The following PLA2R1 variants were observed in gnomAD, a reference collection of about 807,000 sequenced individuals.
PLA2R1 encodes the protein phospholipase A2 receptor 1.
A neutral mutation model predicts 195.9 loss-of-function variants in PLA2R1; 158 were observed. The ratio of observed to expected loss-of-function variants is 0.81; its 90% CI spans 0.71 to 0.92. PLA2R1 has a LOEUF of 0.92. Ranked by LOEUF, PLA2R1 falls within the 40% of genes least tolerant of loss-of-function variation. PLA2R1 has a pLI of 0.00. For missense variants in PLA2R1, 1,626 were observed against 1,764.6 expected (o/e 0.92, Z 1.41); for synonymous variants, 586 against 598.2 (o/e 0.98, Z 0.30).
In PLA2R1 at chr2:159,938,216, C is replaced by T. The variant is rs1296717182; in HGVS notation, c.*3562G>A. 3.3e-5 allele frequency: 5 copies of T among 152,206 alleles called. No homozygotes were observed. The highest frequency in any genetic ancestry group is 2.6e-4 in the Admixed American group (4 of 15,276). 9.4% of individuals were successfully genotyped at this position (152,206 alleles called of 1,614,324 possible). A position where few individuals can be genotyped will look rare whatever the true frequency, so the allele number is the denominator to read the frequency against. On this transcript the variant is annotated 3_prime_UTR_variant, in exon 30 of 30. Coordinates refer to ENST00000283243, the MANE Select transcript of PLA2R1 (RefSeq NM_007366.5). Reference sequence around the variant, plus strand: ...GAATCAAAGATGGGTCTCAAGTCAACATCCTCTGTCAGCCACAGATTGGAG... The same window carrying T: ...GAATCAAAGATGGGTCTCAAGTCAATATCCTCTGTCAGCCACAGATTGGAG...
the PLA2R1 span, among the ~76,000 whole-genome samples, chr2:159,926,273 G>A: frequency 6.6e-6 from 1 of 152,138 alleles, no homozygotes; most frequent in Non-Finnish European, 1.5e-5. Flanking sequence ...TGATAATTTG[G>A]TAATATATTA....
chr2:160,011,137 T>G (rs1210036801), intron 10 of PLA2R1, among the ~76,000 whole-genome samples: 1 of 152,244 alleles, frequency 6.6e-6, no homozygotes, highest in African/African-American at 2.4e-5. Flanking sequence ...TATCCAGTTT[T>G]GGGGAAAATG....
At chr2:160,000,821 C>A (rs1435398378) in intron 11 of PLA2R1, among the ~76,000 whole-genome samples, 3 of 152,010 alleles carry the variant, frequency 2.0e-5, no homozygotes. Flanking sequence ...AAGAGAGAAT[C>A]AATGAATTGA....
At chr2:160,045,731 G>A (rs1694818428) in intron 1 of PLA2R1, among the ~76,000 whole-genome samples, 1 of 152,202 alleles carries the variant, frequency 6.6e-6, no homozygotes, top group South Asian at 2.1e-4. Flanking sequence ...GAGTACAAGG[G>A]TGGAGGTGGG....
intron 23 of PLA2R1, 35 bp from the exon 24 acceptor site, chr2:159,951,613 C>G (rs781102192): frequency 2.8e-6 from 3 of 1,062,174 alleles, no homozygotes. Flanking sequence ...TCATTTGCAG[C>G]ATCTGGATGA....
At chr2:160,041,832 G>C (rs991866212) in intron 3 of PLA2R1, among the ~76,000 whole-genome samples, 193 bp downstream of exon 3, 5 of 152,164 alleles carry the variant, frequency 3.3e-5, no homozygotes, top group Admixed American at 2.6e-4. Flanking sequence ...TGAATGTACG[G>C]CAAAAAGAAT....
rs1005944242 is a variant in PLA2R1, at chr2:159,937,874, A to G, written c.*3904T>C. 3 of 152,230 alleles carry G rather than the reference A, an allele frequency of 2.0e-5. No individual in the cohort carries two copies. The highest frequency in any genetic ancestry group is 7.2e-5 in the African/African-American group (3 of 41,446). 9.4% of individuals were successfully genotyped at this position (152,230 alleles called of 1,614,324 possible). On this transcript the variant is annotated 3_prime_UTR_variant, in exon 30 of 30. Transcript: ENST00000283243. ...AATGAGTTTACAATTTCTTTATTAA[A>G]AGAAGCTTCACTGACATCAATACTT...
intron 11 of PLA2R1, among the ~76,000 whole-genome samples, chr2:159,998,950 T>C (rs1691410299): frequency 6.6e-6 from 1 of 152,126 alleles, no homozygotes; most frequent in Non-Finnish European, 1.5e-5. Flanking sequence ...GGTTTGAATG[T>C]AATATATCCC....
intron 1 of PLA2R1, 135 bp downstream of exon 1, chr2:160,062,160 C>A: frequency 1.6e-6 from 1 of 626,162 alleles, no homozygotes; most frequent in Non-Finnish European, 2.7e-6. Context: ...GGACTGCTGA[C>A]ACACGAACCC....
chr2:159,942,522 A>T (rs183587702), intron 28 of PLA2R1, among the ~76,000 whole-genome samples: 329 of 152,336 alleles, frequency 2.2e-3, no homozygotes, highest in African/African-American at 7.3e-3. Context: ...GTGCTGCAAT[A>T]AATATAGAGT....
intron 3 of PLA2R1, among the ~76,000 whole-genome samples, chr2:160,035,591 C>T (rs1573943754): frequency 6.6e-6 from 1 of 152,294 alleles, no homozygotes; most frequent in African/African-American, 2.4e-5. Context: ...TATATCATCT[C>T]TTCTATTGCT....
At chr2:160,041,502 G>A (rs866257446) in intron 3 of PLA2R1, among the ~76,000 whole-genome samples, 4 of 152,212 alleles carry the variant, frequency 2.6e-5, no homozygotes, top group African/African-American at 4.8e-5. Context: ...GTAAATAGTA[G>A]GAAAGGGAGT....
At chr2:159,964,306 G>A (rs922509424) in intron 20 of PLA2R1, among the ~76,000 whole-genome samples, 1 of 152,186 alleles carries the variant, frequency 6.6e-6, no homozygotes, top group Admixed American at 6.5e-5. Flanking sequence ...TGGAAATAGA[G>A]ATGATGGTTG....
In PLA2R1 at chr2:159,979,817, T is replaced by G; in HGVS notation, c.2268+13A>C. On this transcript the variant is annotated intron_variant, in intron 14 of 29. Coordinates refer to ENST00000283243, the MANE Select transcript of PLA2R1 (RefSeq NM_007366.5). ...TTGAATCCATCCCTTTTCTCCAGTT[T>G]GAAAAGACTTACAGGAGTTCTATCA... 6.6e-7 allele frequency: 1 copy of G among 1,506,686 alleles called. No homozygotes were observed. Among genetic ancestry groups the G allele is most frequent in the Non-Finnish European group, 9.2e-7 (1 of 1,085,974 alleles). The allele number at this position is 1,506,686 out of a possible 1,614,324, so 93.3% of individuals were successfully genotyped here. A position where few individuals can be genotyped will look rare whatever the true frequency, so the allele number is the denominator to read the frequency against.
In PLA2R1 at chr2:159,985,254, T is replaced by C. The variant is rs981928999; in HGVS notation, c.2038-1181A>G. Among the ~76,000 whole-genome samples the C allele has an allele frequency of 2.6e-5, 4 of 152,214 alleles. No homozygotes were observed. In the South Asian group the frequency reaches 6.2e-4, roughly 24 times the overall value. On this transcript the variant is annotated intron_variant, in intron 12 of 29. Transcript: ENST00000283243. ...TGGGCCTATTATTCTATGAATGTAA[T>C]GTAGGATTATACATGTGTACAATTT...
chr2:160,057,469 C>T (rs1695628368), intron 1 of PLA2R1, among the ~76,000 whole-genome samples: 2 of 152,202 alleles, frequency 1.3e-5, no homozygotes, highest in South Asian at 4.2e-4. Context: ...TTTACTGTTG[C>T]CTGACACGTG....
At chr2:159,999,633 G>A (rs1387783286) in intron 11 of PLA2R1, among the ~76,000 whole-genome samples, 1 of 3,686 alleles carries the variant, frequency 2.7e-4, no homozygotes, top group Non-Finnish European at 5.6e-4. Flanking sequence ...CAAAGTGCTG[G>A]GATTACAGGC....
At chr2:160,059,841 G>A (rs1163268188) in intron 1 of PLA2R1, among the ~76,000 whole-genome samples, 1 of 152,144 alleles carries the variant, frequency 6.6e-6, no homozygotes, top group Non-Finnish European at 1.5e-5. Context: ...ACCCATCAGA[G>A]GTTGTGAGAC....
In PLA2R1 at chr2:159,967,592, T is replaced by C. The variant is rs748221809; in HGVS notation, c.2851A>G (p.Thr951Ala). The change falls in exon 20 of 30, where the codon ACA becomes GCA. Residue 951 changes from threonine to alanine, a missense_variant. By Grantham distance (58) the Thr-to-Ala change is moderately conservative. Coordinates refer to ENST00000283243, the MANE Select transcript of PLA2R1 (RefSeq NM_007366.5). ...GGACACGTTCCATGTTGTTTTGGTG[T>C]ATCTTTCTTTTTCTCTATGAGCCAA... The part of the protein sequence containing the change: ...KVWLIEKKKD[T>A]PKQHGTCPKG... 4 of 1,613,668 alleles carry C rather than the reference T, an allele frequency of 2.5e-6. No individual in the cohort carries two copies. The highest frequency in any genetic ancestry group is 2.2e-5 in the East Asian group (1 of 44,838).
Sources: allele counts gnomAD v4.1 joint callset (sites outside exome capture counted in the v4.1 genomes callset), GRCh38; gene constraint gnomAD v4.1.1; transcripts MANE v1.5; gene names NCBI Gene and HGNC (gene_info 2026-07-23, HGNC 2026-07-21).